ZNF474: variants seen among roughly 807,000 people sequenced by gnomAD.
ZNF474 encodes the protein 4933409D10Rik.
For synonymous variants in ZNF474, 192 were observed against 162.2 expected (o/e 1.18, Z -1.39); for missense variants, 511 against 433.8 (o/e 1.18, Z -1.58).
intron 1 of ZNF474, among the ~76,000 whole-genome samples, chr5:122,139,614 T>C (rs768134354): frequency 2.6e-5 from 4 of 152,184 alleles, no homozygotes; most frequent in Non-Finnish European, 4.4e-5. Flanking sequence ...TATGGTACTA[T>C]AAGATCCTGG....
Position 122,152,459 on chromosome 5 carries a change from G to A in ZNF474, c.469G>A (p.Ala157Thr), listed in dbSNP as rs1285952038. The A allele has an allele frequency of 1.2e-6, 2 of 1,614,080 alleles. No individual in the cohort carries two copies. The highest frequency in any genetic ancestry group is 2.2e-5 in the East Asian group (1 of 44,886). Residue 157 changes from alanine (A) to threonine (T), a missense_variant, in exon 2 of 2, where the codon GCA becomes ACA. Physicochemically the swap from Ala to Thr is moderately conservative, Grantham distance 58. Coordinates refer to ENST00000296600, the MANE Select transcript of ZNF474 (RefSeq NM_207317.3). ...SYSLQATNEAAFQSAQAQLLP... is the reference protein window; with the variant it reads ...SYSLQATNEATFQSAQAQLLP... ...CAGTCTTCAGGCAACTAACGAGGCT[G>A]CATTTCAGAGTGCCCAGGCTCAGCT...
At chr5:122,137,152 C>T (rs944550570) in intron 1 of ZNF474, among the ~76,000 whole-genome samples, 3 of 151,866 alleles carry the variant, frequency 2.0e-5, no homozygotes, top group Non-Finnish European at 4.4e-5. Flanking sequence ...TGTGTATGTG[C>T]ATGTGTATGG....
intron 1 of ZNF474, among the ~76,000 whole-genome samples, chr5:122,136,663 T>C (rs182533522): frequency 3.3e-5 from 5 of 152,374 alleles, no homozygotes; most frequent in Non-Finnish European, 5.9e-5. Context: ...AAAGCTATAA[T>C]ATTATTATAA....
intron 1 of ZNF474, among the ~76,000 whole-genome samples, chr5:122,136,002 G>A (rs1024897159): frequency 6.6e-6 from 1 of 152,058 alleles, no homozygotes; most frequent in Non-Finnish European, 1.5e-5. Context: ...AGGGTAATGG[G>A]AAATGAATAA....
intron 1 of ZNF474, among the ~76,000 whole-genome samples, chr5:122,131,392 C>G (rs1755573603): frequency 6.6e-6 from 1 of 151,866 alleles, no homozygotes; most frequent in Admixed American, 6.6e-5. Context: ...TAACAATGGT[C>G]CATATGTGGT....
chr5:122,152,606 A>T lies in ZNF474; in HGVS notation c.616A>T (p.Thr206Ser), dbSNP rs566524733. 21 of 1,614,054 alleles carry T rather than the reference A, an allele frequency of 1.3e-5. No homozygotes were observed. The Admixed American group carries it at 3.5e-4, about 27-fold the overall frequency. Residue 206 changes from threonine (T) to serine (S), a missense_variant, in exon 2 of 2, where the codon ACT becomes TCT. By Grantham distance (58) the Thr-to-Ser change is moderately conservative. Transcript: ENST00000296600. ...APHSNSSDHLTGLKKACSGTP... is the reference protein window; with the variant it reads ...APHSNSSDHLSGLKKACSGTP... ...ACACTCAAACAGTTCTGATCATCTT[A>T]CTGGCCTCAAGAAAGCTTGTAGTGG... is the stretch of plus-strand genomic sequence containing the variant.
chr5:122,136,765 A>G (rs1235573577), intron 1 of ZNF474, among the ~76,000 whole-genome samples: 2 of 152,242 alleles, frequency 1.3e-5, no homozygotes, highest in Non-Finnish European at 2.9e-5. Flanking sequence ...AAGCTGTCTG[A>G]TAACACTTCT....
chr5:122,151,733 G>GTGTGTGTT (rs1756182029), intron 1 of ZNF474, 46 bp from the exon 2 acceptor site: 1 of 380,984 alleles, frequency 2.6e-6, no homozygotes. Context: ...GTGTGTGTGT[G>GTGTGTGTT]TGTGTTTACA....
intron 1 of ZNF474, among the ~76,000 whole-genome samples, chr5:122,140,019 C>T (rs1755796495): frequency 6.6e-6 from 1 of 152,144 alleles, no homozygotes; most frequent in African/African-American, 2.4e-5. Context: ...CAATGGAATT[C>T]TCTGAAAAGT....
intron 1 of ZNF474, among the ~76,000 whole-genome samples, chr5:122,135,928 A>G (rs1755689549): frequency 6.6e-6 from 1 of 152,036 alleles, no homozygotes; most frequent in Non-Finnish European, 1.5e-5. Flanking sequence ...CAAATGTGGG[A>G]GCTAAAAAAA....
intron 1 of ZNF474, among the ~76,000 whole-genome samples, chr5:122,135,322 GA>G (rs1336204519): frequency 1.3e-5 from 2 of 151,762 alleles, no homozygotes; most frequent in African/African-American, 4.8e-5. Flanking sequence ...TTTTTAATTA[GA>G]AAAAAATTAA....
rs374646457 is a variant in ZNF474 at position 122,152,315 on chromosome 5, A to G, written c.325A>G (p.Ile109Val). The change falls in exon 2 of 2, where the codon ATT becomes GTT. Residue 109 changes from isoleucine to valine, a missense_variant. Ile to Val is a conservative substitution (Grantham distance 29). Transcript: ENST00000296600. ...ICGREFGSQS[I>V]AIHEPQCLQK... ...TGGCCGAGAATTTGGGTCCCAGTCAATTGCCATTCATGAACCCCAGTGCTT... is the reference window on the plus strand; with the variant it reads ...TGGCCGAGAATTTGGGTCCCAGTCAGTTGCCATTCATGAACCCCAGTGCTT... The G allele has an allele frequency of 3.1e-6, 5 of 1,614,064 alleles. No individual in the cohort carries two copies. In the African/African-American group the frequency reaches 5.3e-5, roughly 17 times the overall value.
At chr5:122,140,725 C>G (rs1684792783) in intron 1 of ZNF474, among the ~76,000 whole-genome samples, 3 of 152,202 alleles carry the variant, frequency 2.0e-5, no homozygotes, top group African/African-American at 7.2e-5. Flanking sequence ...CTTTGTTTGA[C>G]ACTCTTCTAC....
At chr5:122,136,601 T>C (rs1402566062) in intron 1 of ZNF474, among the ~76,000 whole-genome samples, 2 of 152,366 alleles carry the variant, frequency 1.3e-5, no homozygotes, top group East Asian at 3.9e-4. Context: ...GTCTAGTTCA[T>C]GGTCCTTGGA....
intron 1 of ZNF474, among the ~76,000 whole-genome samples, chr5:122,145,406 G>A (rs970020834): frequency 4.6e-5 from 7 of 152,096 alleles, no homozygotes; most frequent in Non-Finnish European, 1.0e-4. Flanking sequence ...GGTACCAGAC[G>A]CTGCCTAGAA....
chr5:122,138,048 A>G (rs1253605263), intron 1 of ZNF474, among the ~76,000 whole-genome samples: 1 of 152,244 alleles, frequency 6.6e-6, no homozygotes, highest in Non-Finnish European at 1.5e-5. Flanking sequence ...ACATAAATTG[A>G]TGTAATATCA....
intron 1 of ZNF474, among the ~76,000 whole-genome samples, chr5:122,137,063 A>G (rs1262580341): frequency 6.6e-6 from 1 of 152,210 alleles, no homozygotes; most frequent in Admixed American, 6.5e-5. Flanking sequence ...TGTAAAGATG[A>G]TAAACAGTGG....
chr5:122,143,874 T>C (rs1463238887), intron 1 of ZNF474, among the ~76,000 whole-genome samples: 1 of 152,218 alleles, frequency 6.6e-6, no homozygotes, highest in Non-Finnish European at 1.5e-5. Flanking sequence ...AGAGTAGCTC[T>C]TATGATATCA....
intron 1 of ZNF474, among the ~76,000 whole-genome samples, chr5:122,145,027 T>G (rs556650507): frequency 1.3e-5 from 2 of 152,344 alleles, no homozygotes; most frequent in East Asian, 3.9e-4. Flanking sequence ...AGGGCTCTAG[T>G]TAGAAGCGCA....
Sources: allele counts gnomAD v4.1 joint callset (sites outside exome capture counted in the v4.1 genomes callset), GRCh38; gene constraint gnomAD v4.1.1; transcripts MANE v1.5; gene names NCBI Gene and HGNC (gene_info 2026-07-23, HGNC 2026-07-21).